The following RAD23B variants were observed in gnomAD, a reference collection of about 807,000 sequenced individuals.
RAD23B encodes the protein lysine-specific demethylase RAD23B.
A neutral mutation model predicts 49.1 loss-of-function variants in RAD23B; 5 were observed. The observed-to-expected ratio is 0.10, with a 90% CI of 0.05 to 0.21. The LOEUF (loss-of-function observed/expected upper bound fraction) is 0.21, where lower values mean the gene tolerates loss of function less well. Ranked by LOEUF, RAD23B falls within the 10% of genes least tolerant of loss-of-function variation. RAD23B has a pLI of 1.00. For missense variants in RAD23B, 356 were observed against 486.7 expected (o/e 0.73, Z 2.53); for synonymous variants, 184 against 165.4 (o/e 1.11, Z -0.86).
intron 7 of RAD23B, 94 bp downstream of exon 7, chr9:107,322,212 CCAGAG>C: frequency 1.5e-6 from 2 of 1,377,450 alleles, no homozygotes; most frequent in Non-Finnish European, 9.7e-7. Flanking sequence ...ACGTTCATTC[CCAGAG>C]CAGTCGAATA....
At chr9:107,314,252 T>C (rs1266653665) in intron 5 of RAD23B, among the ~76,000 whole-genome samples, 1 of 152,188 alleles carries the variant, frequency 6.6e-6, no homozygotes, top group East Asian at 1.9e-4. Flanking sequence ...CTTACATGCA[T>C]ATATTATGTG....
intron 1 of RAD23B, among the ~76,000 whole-genome samples, chr9:107,289,803 A>C (rs1174151617): frequency 3.3e-5 from 5 of 152,196 alleles, no homozygotes; most frequent in Non-Finnish European, 7.3e-5. Context: ...TAATATTAAC[A>C]GTGCTTGGCA....
Position 107,298,848 on chromosome 9 carries a change from A to G in RAD23B, c.67-1293A>G, listed in dbSNP as rs572841648. Among the ~76,000 whole-genome samples the G allele has an allele frequency of 9.9e-5, 15 of 152,194 alleles. No individual in the cohort carries two copies. The East Asian group carries it at 2.9e-3, about 29-fold the overall frequency. ...GCAAATCTGATGTTTGGCTTTAAAA[A>G]AATTTTACTTGTGTTTTACCTTTGA... On this transcript the variant is annotated intron_variant, in intron 1 of 9. Coordinates refer to ENST00000358015, the MANE Select transcript of RAD23B (RefSeq NM_002874.5).
rs1827120270 is a variant in RAD23B, at chr9:107,322,045, G to A, written c.744G>A (p.Gly248=). The A allele has an allele frequency of 1.9e-6, 3 of 1,613,568 alleles. No homozygotes were observed. Among genetic ancestry groups the A allele is most frequent in the Middle Eastern group, 3.3e-4 (2 of 6,060 alleles). Residue 248 remains glycine, a synonymous_variant, in exon 7 of 10, where the codon GGG becomes GGA. Transcript: ENST00000358015. ...VVDPPQAAST[G]APQSSAVAAA... ...ACCCCCCTCAAGCAGCTAGTACTGG[G>A]GCTCCTCAGTCTTCAGCAGTGGCTG...
At position 107,306,536 on chromosome 9, in the gene RAD23B, C is replaced by A; in HGVS notation, c.386C>A (p.Ala129Glu). The A allele has an allele frequency of 6.2e-7, 1 of 1,614,122 alleles. No homozygotes were observed. The highest frequency in any genetic ancestry group is 8.5e-7 in the Non-Finnish European group (1 of 1,180,022). The change falls in exon 4 of 10, where the codon GCA (alanine) becomes GAA (glutamate). Residue 129 changes from alanine to glutamate, a missense_variant. Physicochemically the swap from Ala to Glu is moderately radical, Grantham distance 107. Around this residue, in one of 5 missense-constraint regions of RAD23B, gnomAD observed 137 missense variants for 122.0 expected, o/e 1.12. Transcript: ENST00000358015. ...TCCACACCTGCATCCATCACTCCAG[C>A]ATCAGCGACAGCATCTTCTGAACCT... ...PTSTPASITPASATASSEPAP... is the reference protein window; with the variant it reads ...PTSTPASITPESATASSEPAP...
chr9:107,301,206 T>C (rs998466179), intron 2 of RAD23B, among the ~76,000 whole-genome samples: 17 of 152,226 alleles, frequency 1.1e-4, no homozygotes, highest in Non-Finnish European at 1.9e-4. Flanking sequence ...TGCCCTTTCT[T>C]GTGTATCATG....
intron 3 of RAD23B, among the ~76,000 whole-genome samples, chr9:107,302,416 T>A (rs1826673616): frequency 6.6e-6 from 1 of 152,166 alleles, no homozygotes; most frequent in Non-Finnish European, 1.5e-5. Flanking sequence ...ATAATTCTTT[T>A]AAAATGTCTT....
rs371974204 is a variant in RAD23B at position 107,311,655 on chromosome 9, T to A, written c.498-27T>A. On this transcript the variant is annotated intron_variant, in intron 4 of 9. Transcript: ENST00000358015. The stretch of plus-strand genomic sequence containing the variant: ...ATTAAATTTTATATACTTTTTAAAA[T>A]GTGATTTTTCTAAAATCCTTTTGTA... The A allele has an allele frequency of 2.6e-6, 4 of 1,534,980 alleles. No homozygotes were observed. The African/African-American group carries it at 5.6e-5, about 22-fold the overall frequency.
chr9:107,293,811 T>C (rs761479886), intron 1 of RAD23B, among the ~76,000 whole-genome samples: 1 of 152,088 alleles, frequency 6.6e-6, no homozygotes, highest in Non-Finnish European at 1.5e-5. Context: ...AGAGACAGAG[T>C]CTTGCTCTGT....
rs1299628915 is a variant in RAD23B, at chr9:107,326,759, G to A, written c.1116+1755G>A. Among the ~76,000 whole-genome samples the A allele has an allele frequency of 5.7e-5, 8 of 141,482 alleles. No homozygotes were observed. In the East Asian group the frequency reaches 1.5e-3, roughly 26 times the overall value. The allele number at this position is 141,482 out of a possible 152,430, so 92.8% of individuals were successfully genotyped here. ...CACCATTCTCCTGCCTCAGCCTCCC[G>A]AGTAGCTGGGACCACAGGCACCCGC... On this transcript the variant is annotated intron_variant, in intron 9 of 9. Transcript: ENST00000358015.
At position 107,318,682 on chromosome 9, in the gene RAD23B, A is replaced by G. The variant is rs963124515; in HGVS notation, c.554-70A>G. On this transcript the variant is annotated intron_variant, in intron 5 of 9. Transcript: ENST00000358015. This position sits in a 1 kb window ranked among gnomAD's most constrained non-coding sequence, Gnocchi z 4.3. The stretch of plus-strand genomic sequence containing the variant: ...AGTTCCTGAAATGTTGTATACATGA[A>G]TCAATAAATGTATAGAGAATGCTTA... 6.8e-7 allele frequency: 1 copy of G among 1,470,732 alleles called. No homozygotes were observed. The highest frequency in any genetic ancestry group is 9.3e-7 in the Non-Finnish European group (1 of 1,070,370). 91.1% of individuals were successfully genotyped at this position (1,470,732 alleles called of 1,614,324 possible).
intron 5 of RAD23B, among the ~76,000 whole-genome samples, chr9:107,312,801 C>T (rs1007406317): frequency 3.3e-5 from 5 of 152,030 alleles, no homozygotes; most frequent in Admixed American, 1.3e-4. Flanking sequence ...TCTGTGGCCT[C>T]GGCTCCAGCT....
In RAD23B at chr9:107,306,913, T is replaced by G. The variant is rs80334940; in HGVS notation, c.497+266T>G. 6.9e-3 allele frequency among the ~76,000 whole-genome samples: 25 copies of G among 3,618 alleles called. No individual in the cohort carries two copies. In the African/African-American group the frequency reaches 0.16, roughly 23 times the overall value. The allele number at this position is 3,618 out of a possible 152,430, so 2.4% of individuals were successfully genotyped here. On this transcript the variant is annotated intron_variant, in intron 4 of 9. Coordinates refer to ENST00000358015, the MANE Select transcript of RAD23B (RefSeq NM_002874.5). ...AAAGGAGAAAGCAGGTGAAAGTCAT[T>G]TTTTTTTTTTTGAGTAGAAACGTTA...
At chr9:107,286,355 A>G (rs1833272361) in intron 1 of RAD23B, among the ~76,000 whole-genome samples, 1 of 152,228 alleles carries the variant, frequency 6.6e-6, no homozygotes, top group Admixed American at 6.5e-5. Context: ...TGACTTAGTC[A>G]AAGCTCATTG....
chr9:107,299,828 G>A (rs1826610670), intron 1 of RAD23B, among the ~76,000 whole-genome samples: 1 of 152,126 alleles, frequency 6.6e-6, no homozygotes, highest in African/African-American at 2.4e-5. Context: ...CTTGCTCCGT[G>A]GGAAATAAAC....
intron 1 of RAD23B, among the ~76,000 whole-genome samples, chr9:107,289,003 C>G (rs1193407895): frequency 6.6e-6 from 1 of 151,550 alleles, no homozygotes; most frequent in Non-Finnish European, 1.5e-5. Flanking sequence ...GTTTCTTTGT[C>G]TCTGTCTCTC....
intron 5 of RAD23B, among the ~76,000 whole-genome samples, chr9:107,317,532 G>C (rs954840388): frequency 2.0e-5 from 3 of 151,932 alleles, no homozygotes; most frequent in African/African-American, 7.3e-5. Flanking sequence ...TCCTCAAAGA[G>C]GAATTAGGAT....
chr9:107,294,295 A>G (rs1016736042), intron 1 of RAD23B, among the ~76,000 whole-genome samples: 1 of 152,182 alleles, frequency 6.6e-6, no homozygotes, highest in African/African-American at 2.4e-5. Flanking sequence ...TGATTTCTTG[A>G]ATGTTAACCA....
In RAD23B at chr9:107,318,027, T is replaced by C. The variant is rs4978405; in HGVS notation, c.554-725T>C. ...GCATGTTTTCAGAATTTGGTGTCTC[T>C]TCTTACCAGTTGCCTTCCCTGACCT... On this transcript the variant is annotated intron_variant, in intron 5 of 9. Coordinates refer to ENST00000358015, the MANE Select transcript of RAD23B (RefSeq NM_002874.5). The surrounding 1 kb of genome is among the most constrained non-coding windows in gnomAD (Gnocchi z 4.3). Among the ~76,000 whole-genome samples, 1,188 of 152,302 alleles carry C rather than the reference T, an allele frequency of 7.8e-3. 4 individuals carry two copies. Among genetic ancestry groups the C allele is most frequent in the Non-Finnish European group, 0.012 (802 of 68,014 alleles).
Sources: allele counts gnomAD v4.1 joint callset (sites outside exome capture counted in the v4.1 genomes callset), GRCh38; gene constraint gnomAD v4.1.1; regional missense constraint gnomAD v4.1.1; non-coding constraint Gnocchi (gnomAD v3.1); transcripts MANE v1.5; gene names NCBI Gene and HGNC (gene_info 2026-07-23, HGNC 2026-07-21).